GCNT2: variants seen among roughly 807,000 people sequenced by gnomAD.
GCNT2 encodes N-acetyllactosaminide beta-1,6-N-acetylglucosaminyl-transferase.
In GCNT2, 34 loss-of-function variants were observed where a neutral mutation model predicts 34.2. That is an observed-to-expected ratio of 1.00 (90% CI 0.76 to 1.32). GCNT2 has a LOEUF of 1.32. Among genes scored for constraint, GCNT2 ranks in the 40% most tolerant of loss-of-function variants. GCNT2 has a pLI of 0.00. For missense variants in GCNT2, 584 were observed against 489.4 expected, an observed-to-expected ratio of 1.19 and a Z score of -1.82; for synonymous variants, 212 against 188.0, an observed-to-expected ratio of 1.13 and a Z score of -1.04.
intron 3 of GCNT2, among the ~76,000 whole-genome samples, chr6:10,533,704 G>A (rs754601592): frequency 6.2e-5 from 9 of 144,300 alleles, no homozygotes; most frequent in South Asian, 2.2e-4. Context: ...CAGGAGAATC[G>A]CTTCAGCGAT....
At chr6:10,562,828 G>A (rs1763065311) in intron 3 of GCNT2, among the ~76,000 whole-genome samples, 1 of 152,074 alleles carries the variant, frequency 6.6e-6, no homozygotes, top group South Asian at 2.1e-4. Context: ...GTGACGCTGG[G>A]CAGAGCAAAG....
At chr6:10,539,819 C>T (rs1160369828) in intron 3 of GCNT2, among the ~76,000 whole-genome samples, 1 of 152,230 alleles carries the variant, frequency 6.6e-6, no homozygotes. Flanking sequence ...GGCATGATGG[C>T]TCATGCCTGT....
chr6:10,585,709 C>A, intron 3 of GCNT2: 2 of 1,242,166 alleles, frequency 1.6e-6, no homozygotes, highest in Non-Finnish European at 2.1e-6. Flanking sequence ...CTGGACTGGG[C>A]TGGGCTTAGC....
chr6:10,584,058 G>A (rs949184770), intron 3 of GCNT2, among the ~76,000 whole-genome samples: 1 of 152,064 alleles, frequency 6.6e-6, no homozygotes, highest in Non-Finnish European at 1.5e-5. Flanking sequence ...GGGGACCGGC[G>A]CTTAGTAAGT....
At chr6:10,560,404 T>C (rs1762923650) in intron 3 of GCNT2, among the ~76,000 whole-genome samples, 2 of 152,152 alleles carry the variant, frequency 1.3e-5, no homozygotes, top group African/African-American at 4.8e-5. Context: ...CTCTTCTATT[T>C]TCAATGTCAT....
chr6:10,577,788 G>A (rs1196627371), intron 3 of GCNT2, among the ~76,000 whole-genome samples: 1 of 152,002 alleles, frequency 6.6e-6, no homozygotes, highest in East Asian at 1.9e-4. Flanking sequence ...TGATCCACCT[G>A]CCTCAGCCTC....
At chr6:10,527,869 A>G (rs1178336043) in intron 2 of GCNT2, among the ~76,000 whole-genome samples, 1 of 151,968 alleles carries the variant, frequency 6.6e-6, no homozygotes, top group Admixed American at 6.6e-5. Context: ...CTCATTTTTT[A>G]CAGATTAAAA....
Position 10,626,913 on chromosome 6 carries a change from G to T in GCNT2, c.*306G>T. The T allele has an allele frequency of 2.8e-6, 1 of 358,808 alleles. No individual in the cohort carries two copies. Among genetic ancestry groups the T allele is most frequent in the Non-Finnish European group, 5.2e-6 (1 of 191,106 alleles). 22.2% of individuals were successfully genotyped at this position (358,808 alleles called of 1,614,324 possible). Reference sequence around the variant, plus strand: ...TAAATGACCTCAGATCTTTGCACCAGATACTCATCATATACAAATGTTTTA... The same window carrying T: ...TAAATGACCTCAGATCTTTGCACCATATACTCATCATATACAAATGTTTTA... On this transcript the variant is annotated 3_prime_UTR_variant, in exon 5 of 5. Coordinates refer to ENST00000495262, the MANE Select transcript of GCNT2 (RefSeq NM_145649.5).
intron 3 of GCNT2, among the ~76,000 whole-genome samples, chr6:10,578,471 C>T (rs1307927127): frequency 1.1e-4 from 11 of 96,412 alleles, no homozygotes; most frequent in East Asian, 5.8e-4. Context: ...TTTTTTGAGA[C>T]GGAGTCTCGC....
chr6:10,586,555 A>C, intron 3 of GCNT2: 1 of 1,614,190 alleles, frequency 6.2e-7, no homozygotes, highest in South Asian at 1.1e-5. Context: ...TACGTCATCA[A>C]CACCTGTGGA....
intron 3 of GCNT2, among the ~76,000 whole-genome samples, chr6:10,543,695 CAAT>C (rs2113601658): frequency 6.6e-6 from 1 of 152,270 alleles, no homozygotes; most frequent in East Asian, 1.9e-4. Context: ...CCCTAATTAA[CAAT>C]GATGTTGGGC....
At chr6:10,593,818 T>A (rs1248960159) in intron 3 of GCNT2, among the ~76,000 whole-genome samples, 1 of 152,224 alleles carries the variant, frequency 6.6e-6, no homozygotes, top group Non-Finnish European at 1.5e-5. Flanking sequence ...TCCCTATTTC[T>A]CTTTACACAA....
At chr6:10,554,381 C>T (rs576999827) in intron 3 of GCNT2, among the ~76,000 whole-genome samples, 24 of 152,268 alleles carry the variant, frequency 1.6e-4, no homozygotes, top group Admixed American at 1.4e-3. Context: ...GTATTACGAA[C>T]ATTCCTAATT....
chr6:10,556,223 C>G (rs1762694702), intron 3 of GCNT2: 1 of 1,436,580 alleles, frequency 7.0e-7, no homozygotes, highest in Admixed American at 2.8e-5. Flanking sequence ...TTGAGAGAGG[C>G]GGGATCTGGC....
rs33909973 is a variant in GCNT2, at chr6:10,549,563, CTTTTTTT to C, written c.925+19747_925+19753del. Among the ~76,000 whole-genome samples the C allele has an allele frequency of 3.5e-4, 36 of 104,302 alleles. No individual in the cohort carries two copies. In the East Asian group the frequency reaches 5.6e-3, roughly 16 times the overall value. The allele number at this position is 104,302 out of a possible 152,430, so 68.4% of individuals were successfully genotyped here. ...TTCCTTTCTCTCTCAATCTCTCTCT[CTTTTTTT>C]TTTTTTTTTTTTTTTTTTTGAGACA... On this transcript the variant is annotated intron_variant, in intron 3 of 4. Transcript: ENST00000495262.
intron 3 of GCNT2, among the ~76,000 whole-genome samples, chr6:10,563,780 ATATATAT>A (rs1763154312): frequency 4.0e-5 from 2 of 49,644 alleles, no homozygotes; most frequent in African/African-American, 2.3e-4. Context: ...AAAAAAAAAT[ATATATAT>A]ATATATATAT....
chr6:10,522,808 CAACA>C (rs964577629), intron 1 of GCNT2, among the ~76,000 whole-genome samples: 8 of 152,248 alleles, frequency 5.3e-5, no homozygotes, highest in East Asian at 3.9e-4. Flanking sequence ...AAGGTGAAAA[CAACA>C]AACAAAGCCT....
Position 10,581,803 on chromosome 6 carries a change from T to G in GCNT2, c.926-39548T>G, listed in dbSNP as rs80054354. ...TCTTTTCTCACTCCAACTTTCCCCT[T>G]CTGTTCTCCACAAGACCTGCCAAGG... On this transcript the variant is annotated intron_variant, in intron 3 of 4. Transcript: ENST00000495262. 2,256 of 985,108 alleles carry G rather than the reference T, an allele frequency of 2.3e-3. 44 individuals carry two copies. In the African/African-American group the frequency reaches 0.036, roughly 16 times the overall value. 61.0% of individuals were successfully genotyped at this position (985,108 alleles called of 1,614,324 possible). A position where few individuals can be genotyped will look rare whatever the true frequency, so the allele number is the denominator to read the frequency against.
chr6:10,569,275 C>CACACA lies in GCNT2; in HGVS notation c.925+39439_925+39440insACACA, dbSNP rs1491437125. 6.9e-3 allele frequency among the ~76,000 whole-genome samples: 703 copies of CACACA among 101,338 alleles called. 36 individuals carry two copies. The highest frequency in any genetic ancestry group is 0.018 in the Middle Eastern group (3 of 164). The allele number at this position is 101,338 out of a possible 152,430, so 66.5% of individuals were successfully genotyped here. A position where few individuals can be genotyped will look rare whatever the true frequency, so the allele number is the denominator to read the frequency against. On this transcript the variant is annotated intron_variant, in intron 3 of 4. Transcript: ENST00000495262. Reference sequence around the variant, plus strand: ...CACACACACACACACACACACACACCCCCTAGGTAATTTTGCCAAATCCTG... The same window carrying CACACA: ...CACACACACACACACACACACACACCACACACCCTAGGTAATTTTGCCAAATCCTG...
Sources: allele counts gnomAD v4.1 joint callset (sites outside exome capture counted in the v4.1 genomes callset), GRCh38; gene constraint gnomAD v4.1.1; transcripts MANE v1.5; gene names NCBI Gene and HGNC (gene_info 2026-07-23, HGNC 2026-07-21).